LHFPL2: variants seen among roughly 807,000 people sequenced by gnomAD.
The protein encoded by LHFPL2 is LHFPL tetraspan subfamily member 2.
A neutral mutation model predicts 17.5 loss-of-function variants in LHFPL2; 7 were observed. The observed-to-expected ratio is 0.40, with a 90% CI of 0.23 to 0.75. The LOEUF is 0.75. Ranked by LOEUF, LHFPL2 falls within the 30% of genes least tolerant of loss-of-function variation. The pLI is 0.37. For missense variants in LHFPL2, 241 were observed against 294.8 expected (o/e 0.82, Z 1.34); for synonymous variants, 134 against 116.2 (o/e 1.15, Z -0.99).
At chr5:78,581,270 G>T (rs1743125948) in intron 2 of LHFPL2, among the ~76,000 whole-genome samples, 2 of 152,092 alleles carry the variant, frequency 1.3e-5, no homozygotes, top group African/African-American at 4.8e-5. Context: ...TTTCCTAATT[G>T]AATACCCTTT....
At chr5:78,508,095 G>A (rs1319082566) in intron 4 of LHFPL2, among the ~76,000 whole-genome samples, 3 of 152,092 alleles carry the variant, frequency 2.0e-5, no homozygotes, top group Non-Finnish European at 4.4e-5. Flanking sequence ...ATGCCAAGCT[G>A]AAGGGGAGAG....
intron 4 of LHFPL2, 108 bp from the exon 5 acceptor site, chr5:78,489,261 T>TG: frequency 1.6e-6 from 2 of 1,241,508 alleles, no homozygotes; most frequent in Non-Finnish European, 2.3e-6. Context: ...GGGCATCTAT[T>TG]CTGCAATAGA....
chr5:78,514,578 T>C (rs1755234585), intron 3 of LHFPL2, among the ~76,000 whole-genome samples: 1 of 152,176 alleles, frequency 6.6e-6, no homozygotes, highest in African/African-American at 2.4e-5. Context: ...AGCTTCCTGC[T>C]GTCAGCAGGG....
intron 3 of LHFPL2, among the ~76,000 whole-genome samples, chr5:78,554,083 A>G (rs116126442): frequency 0.021 from 3,266 of 152,348 alleles, 113 homozygotes; most frequent in African/African-American, 0.073. Context: ...TTTTAAGTAC[A>G]TTCCACTGGA....
rs150684919 is a variant in LHFPL2 at position 78,612,777 on chromosome 5, C to T, written c.-245+19487G>A. 5.9e-3 allele frequency among the ~76,000 whole-genome samples: 895 copies of T among 152,370 alleles called. 8 individuals are homozygous for T. Among genetic ancestry groups the T allele is most frequent in the African/African-American group, 0.02 (838 of 41,582 alleles). The stretch of plus-strand genomic sequence containing the variant: ...CAGGCGCAGTCTTCAAAGAGCTGGA[C>T]TCCCTTTTACAGCAGCACTTAATCC... On this transcript the variant is annotated intron_variant, in intron 2 of 4. Coordinates refer to ENST00000380345, the MANE Select transcript of LHFPL2 (RefSeq NM_005779.3).
At chr5:78,592,119 T>C (rs1207644324) in intron 2 of LHFPL2, among the ~76,000 whole-genome samples, 2 of 152,124 alleles carry the variant, frequency 1.3e-5, no homozygotes, top group African/African-American at 4.8e-5. Flanking sequence ...AGTACAATAG[T>C]CCTTTAACAA....
At chr5:78,575,229 T>C (rs1443619065) in intron 2 of LHFPL2, among the ~76,000 whole-genome samples, 4 of 152,176 alleles carry the variant, frequency 2.6e-5, no homozygotes, top group Admixed American at 2.6e-4. Flanking sequence ...AGGGTTTTGC[T>C]GTAAATAAAC....
chr5:78,581,143 C>CTTA (rs1486634382), intron 2 of LHFPL2, among the ~76,000 whole-genome samples: 1 of 151,908 alleles, frequency 6.6e-6, no homozygotes, highest in African/African-American at 2.4e-5. Flanking sequence ...ATTTGGCTCT[C>CTTA]TGTTTGTCTG....
intron 3 of LHFPL2, among the ~76,000 whole-genome samples, chr5:78,546,919 G>A (rs1393598304): frequency 1.3e-5 from 2 of 151,904 alleles, no homozygotes; most frequent in Non-Finnish European, 2.9e-5. Context: ...CCTGTGGTTT[G>A]CAAACTTTCT....
chr5:78,631,394 C>T (rs1561373630), intron 2 of LHFPL2, among the ~76,000 whole-genome samples: 1 of 152,130 alleles, frequency 6.6e-6, no homozygotes, highest in East Asian at 1.9e-4. Flanking sequence ...GCATAACTTA[C>T]GCTACTTGGG....
chr5:78,609,822 G>T (rs79465290), intron 2 of LHFPL2, among the ~76,000 whole-genome samples: 2,358 of 147,044 alleles, frequency 0.016, 65 homozygotes, highest in African/African-American at 0.055. Context: ...TATTTTGAAA[G>T]AAAAAAAGTC....
At chr5:78,527,129 G>A (rs565678882) in intron 3 of LHFPL2, among the ~76,000 whole-genome samples, 8 of 152,256 alleles carry the variant, frequency 5.3e-5, no homozygotes, top group South Asian at 2.1e-4. Context: ...CCAGTTCCCC[G>A]GCCAGCATTT....
chr5:78,573,042 T>C (rs1757043287), intron 2 of LHFPL2, among the ~76,000 whole-genome samples: 2 of 152,088 alleles, frequency 1.3e-5, no homozygotes, highest in South Asian at 4.1e-4. Context: ...GCTGTGCAGC[T>C]TGGGTCCCAA....
intron 3 of LHFPL2, among the ~76,000 whole-genome samples, chr5:78,516,822 G>A (rs1755306538): frequency 6.6e-6 from 1 of 152,212 alleles, no homozygotes; most frequent in Non-Finnish European, 1.5e-5. Flanking sequence ...CCTTGAGCCT[G>A]TCTTTCCTGG....
At chr5:78,641,074 T>G (rs968666163) in intron 1 of LHFPL2, among the ~76,000 whole-genome samples, 1 of 152,064 alleles carries the variant, frequency 6.6e-6, no homozygotes, top group African/African-American at 2.4e-5. Context: ...GGGAAGGAAA[T>G]GTTTCAGAGG....
rs146799918 is a variant in LHFPL2, at chr5:78,586,815, A to G, written c.-244-21944T>C. On this transcript the variant is annotated intron_variant, in intron 2 of 4. Coordinates refer to ENST00000380345, the MANE Select transcript of LHFPL2 (RefSeq NM_005779.3). The stretch of plus-strand genomic sequence containing the variant: ...ACAGTATAAGTTATATTTTCTAGCA[A>G]TTATTATTTGAGAAGTTCTAGAAAG... 5.1e-3 allele frequency among the ~76,000 whole-genome samples: 779 copies of G among 152,318 alleles called. 8 individuals are homozygous for G. Among genetic ancestry groups the G allele is most frequent in the African/African-American group, 0.018 (750 of 41,576 alleles).
At chr5:78,518,218 A>G (rs774791266) in intron 3 of LHFPL2, among the ~76,000 whole-genome samples, 6 of 152,258 alleles carry the variant, frequency 3.9e-5, no homozygotes, top group African/African-American at 7.2e-5. Context: ...TGGGCAAAAT[A>G]TAAGTCTTAA....
chr5:78,577,949 C>T (rs546984795), intron 2 of LHFPL2, among the ~76,000 whole-genome samples: 4 of 152,088 alleles, frequency 2.6e-5, no homozygotes, highest in South Asian at 2.1e-4. Flanking sequence ...CAATGAAACT[C>T]GAAAGAGATG....
chr5:78,540,774 C>T (rs992873623), intron 3 of LHFPL2, among the ~76,000 whole-genome samples: 1 of 152,220 alleles, frequency 6.6e-6, no homozygotes, highest in Non-Finnish European at 1.5e-5. Context: ...CAGACAATGG[C>T]TTATTGAAGC....
Sources: gnomAD v4.1 joint callset for allele counts (sites outside exome capture counted in the v4.1 genomes callset) on GRCh38, gnomAD v4.1.1 for gene constraint, MANE v1.5 for transcripts, NCBI Gene and HGNC (gene_info 2026-07-23, HGNC 2026-07-21) for gene names.